The following SPOCK3 variants were observed in gnomAD, a reference collection of about 807,000 sequenced individuals.
SPOCK3 encodes SPARC (osteonectin), cwcv and kazal like domains proteoglycan 3, also known as testican-3.
Under a neutral mutation model 56.6 loss-of-function variants are expected in SPOCK3, and 30 were observed. That is an observed-to-expected ratio of 0.53 (90% CI 0.40 to 0.72). The LOEUF is 0.72. Ranked by LOEUF, SPOCK3 falls within the 30% of genes least tolerant of loss-of-function variation. The pLI is 0.00. For synonymous variants in SPOCK3, 196 were observed against 183.3 expected (o/e 1.07, Z -0.56); for missense variants, 527 against 530.0 (o/e 0.99, Z 0.06).
chr4:167,176,624 G>A (rs899153449), intron 2 of SPOCK3, among the ~76,000 whole-genome samples: 4 of 151,840 alleles, frequency 2.6e-5, no homozygotes, highest in African/African-American at 9.7e-5. Context: ...ATCTCTTTCA[G>A]TTCTTGGGTA....
At chr4:167,011,325 C>T in intron 3 of SPOCK3, 1 of 455,824 alleles carries the variant, frequency 2.2e-6, no homozygotes, top group Non-Finnish European at 4.4e-6. Context: ...TCAGTTGATT[C>T]AGGGGTTGTT....
intron 2 of SPOCK3, among the ~76,000 whole-genome samples, chr4:167,159,909 C>T (rs898866645): frequency 3.3e-5 from 5 of 152,036 alleles, no homozygotes; most frequent in African/African-American, 7.2e-5. Flanking sequence ...TAAGAGCTAT[C>T]TATGACAAAC....
intron 2 of SPOCK3, among the ~76,000 whole-genome samples, chr4:167,099,263 T>C (rs1168075970): frequency 2.0e-5 from 3 of 151,970 alleles, no homozygotes; most frequent in Non-Finnish European, 4.4e-5. Context: ...TTAGTAGTTT[T>C]ATGATTTTAA....
Position 167,215,980 on chromosome 4 carries a change from A to C in SPOCK3, c.189+18005T>G, listed in dbSNP as rs17053088. 2.4e-3 allele frequency among the ~76,000 whole-genome samples: 368 copies of C among 152,250 alleles called. 4 individuals carry two copies. Among genetic ancestry groups the C allele is most frequent in the African/African-American group, 8.3e-3 (345 of 41,574 alleles). On this transcript the variant is annotated intron_variant, in intron 2 of 10. Coordinates refer to ENST00000357545, the MANE Select transcript of SPOCK3 (RefSeq NM_001040159.2). ...GTGAGCATGGAATTGAAGAAAGGAA[A>C]ATTTTTGACCTGTACATGTTGTAGA... is the stretch of plus-strand genomic sequence containing the variant.
At chr4:167,151,884 C>T (rs980165187) in intron 2 of SPOCK3, among the ~76,000 whole-genome samples, 12 of 152,300 alleles carry the variant, frequency 7.9e-5, no homozygotes, top group African/African-American at 2.9e-4. Flanking sequence ...CATTGCTATG[C>T]TCTGCTAAGT....
chr4:167,178,581 A>C (rs79862084), intron 2 of SPOCK3, among the ~76,000 whole-genome samples: 1,644 of 152,252 alleles, frequency 0.011, 33 homozygotes, highest in African/African-American at 0.038. Context: ...TTGTTTGACC[A>C]ACATATATTA....
At chr4:167,129,609 CT>C (rs1762549016) in intron 2 of SPOCK3, among the ~76,000 whole-genome samples, 1 of 151,830 alleles carries the variant, frequency 6.6e-6, no homozygotes, top group African/African-American at 2.4e-5. Flanking sequence ...TTCCTTGTCA[CT>C]CCAAATACAA....
chr4:166,749,821 TA>T (rs1179917084), intron 8 of SPOCK3, among the ~76,000 whole-genome samples: 1 of 152,102 alleles, frequency 6.6e-6, no homozygotes, highest in East Asian at 1.9e-4. Flanking sequence ...TAGTTTTTTA[TA>T]CAGACATTTA....
At chr4:167,181,545 T>G (rs1731452906) in intron 2 of SPOCK3, among the ~76,000 whole-genome samples, 1 of 152,208 alleles carries the variant, frequency 6.6e-6, no homozygotes. Flanking sequence ...AAAGTTGTTT[T>G]ATGATCTTCC....
intron 2 of SPOCK3, among the ~76,000 whole-genome samples, chr4:167,218,867 G>C (rs1409669877): frequency 6.6e-6 from 1 of 152,136 alleles, no homozygotes; most frequent in African/African-American, 2.4e-5. Context: ...AATGTACTAA[G>C]TGTGTGGTCT....
At chr4:166,803,873 C>T (rs777454249) in intron 6 of SPOCK3, among the ~76,000 whole-genome samples, 8 of 151,998 alleles carry the variant, frequency 5.3e-5, no homozygotes, top group Non-Finnish European at 1.0e-4. Flanking sequence ...ATGATTGTTC[C>T]TACTGTTTTA....
At chr4:166,965,507 A>G (rs1341918265) in intron 4 of SPOCK3, among the ~76,000 whole-genome samples, 2 of 149,438 alleles carry the variant, frequency 1.3e-5, no homozygotes, top group African/African-American at 4.9e-5. Flanking sequence ...GTGTCGTTCT[A>G]TTATCATCAA....
intron 2 of SPOCK3, among the ~76,000 whole-genome samples, chr4:167,129,027 G>C (rs1762507978): frequency 6.6e-6 from 1 of 152,086 alleles, no homozygotes; most frequent in Non-Finnish European, 1.5e-5. Flanking sequence ...CTTGATTCAG[G>C]GGCTGCTGGC....
chr4:167,125,191 T>TTTTATTTA lies in SPOCK3; in HGVS notation c.190-62662_190-62655dup, dbSNP rs59279364. Reference sequence around the variant, plus strand: ...GGTTCTTTGTATGAGCACAGAGATTTTTTATTTATTTATTTATTTATTTAT... The same window carrying TTTTATTTA: ...GGTTCTTTGTATGAGCACAGAGATTTTTTATTTATTTATTTATTTATTTATTTATTTAT... On this transcript the variant is annotated intron_variant, in intron 2 of 10. Coordinates refer to ENST00000357545, the MANE Select transcript of SPOCK3 (RefSeq NM_001040159.2). 8.8e-3 allele frequency among the ~76,000 whole-genome samples: 1,260 copies of TTTTATTTA among 142,522 alleles called. 5 individuals carry two copies. Among genetic ancestry groups the TTTTATTTA allele is most frequent in the African/African-American group, 0.011 (425 of 39,144 alleles). The allele number at this position is 142,522 out of a possible 152,430, so 93.5% of individuals were successfully genotyped here. A position where few individuals can be genotyped will look rare whatever the true frequency, so the allele number is the denominator to read the frequency against.
intron 5 of SPOCK3, among the ~76,000 whole-genome samples, chr4:166,897,591 C>A (rs547715786): frequency 6.6e-6 from 1 of 152,130 alleles, no homozygotes; most frequent in African/African-American, 2.4e-5. Flanking sequence ...AGAACTGACA[C>A]GAACATCAAA....
rs1291613229 is a variant in SPOCK3, at chr4:167,057,498, G to GA, written c.235+4993dup. Among the ~76,000 whole-genome samples, 5 of 151,772 alleles carry GA rather than the reference G, an allele frequency of 3.3e-5. No individual in the cohort carries two copies. In the East Asian group the frequency reaches 5.8e-4, roughly 18 times the overall value. ...TTAAAAGACACAGACTGGCAAATTG[G>GA]ATAAAGAGTCAAGACCCATCAGTGT... is the stretch of plus-strand genomic sequence containing the variant. On this transcript the variant is annotated intron_variant, in intron 3 of 10. Coordinates refer to ENST00000357545, the MANE Select transcript of SPOCK3 (RefSeq NM_001040159.2).
chr4:167,159,932 T>G (rs1403038789), intron 2 of SPOCK3, among the ~76,000 whole-genome samples: 2 of 152,032 alleles, frequency 1.3e-5, no homozygotes, highest in Non-Finnish European at 1.5e-5. Flanking sequence ...ACAGCCAATA[T>G]CATACTGAAT....
chr4:166,832,366 C>G, intron 6 of SPOCK3, among the ~76,000 whole-genome samples: 1 of 149,168 alleles, frequency 6.7e-6, no homozygotes, highest in Middle Eastern at 3.2e-3. Flanking sequence ...GAGGCACCAT[C>G]CCACACCAAT....
At chr4:166,935,593 A>G (rs1017782998) in intron 4 of SPOCK3, among the ~76,000 whole-genome samples, 1 of 152,190 alleles carries the variant, frequency 6.6e-6, no homozygotes, top group East Asian at 1.9e-4. Flanking sequence ...CATGTTAACC[A>G]CTGTAAATGT....
Sources: allele counts gnomAD v4.1 joint callset (sites outside exome capture counted in the v4.1 genomes callset), GRCh38; gene constraint gnomAD v4.1.1; transcripts MANE v1.5; gene names NCBI Gene and HGNC (gene_info 2026-07-23, HGNC 2026-07-21).